AMPH: variants seen among roughly 807,000 people sequenced by gnomAD.
AMPH encodes the protein amphiphysin (Stiff-Mann syndrome with breast cancer 128kD autoantigen).
AMPH carries 49 observed loss-of-function variants against 99.1 expected under a neutral mutation model. The observed-to-expected ratio is 0.49, with a 90% CI of 0.39 to 0.63. AMPH has a LOEUF of 0.63. Among genes scored for constraint, AMPH ranks in the 20% least tolerant of loss-of-function variants. AMPH has a pLI of 0.00. For missense variants in AMPH, 759 were observed against 863.4 expected, an observed-to-expected ratio of 0.88 and a Z score of 1.52; for synonymous variants, 314 against 317.3, an observed-to-expected ratio of 0.99 and a Z score of 0.11.
chr7:38,388,855 G>C (rs539008965), intron 20 of AMPH, among the ~76,000 whole-genome samples: 3 of 152,242 alleles, frequency 2.0e-5, no homozygotes, highest in Non-Finnish European at 2.9e-5. Flanking sequence ...TGTTGACCAG[G>C]CTGGTCTGGA....
chr7:38,439,686 AG>A (rs1281954154), intron 11 of AMPH, among the ~76,000 whole-genome samples: 3 of 152,168 alleles, frequency 2.0e-5, no homozygotes, highest in African/African-American at 7.2e-5. Flanking sequence ...GAAATCTACA[AG>A]GGGTGACTTG....
intron 17 of AMPH, among the ~76,000 whole-genome samples, chr7:38,396,825 T>C (rs1015501870): frequency 6.6e-6 from 1 of 152,270 alleles, no homozygotes; most frequent in Non-Finnish European, 1.5e-5. Context: ...CAATTGCTCA[T>C]AGCTTTATTG....
At chr7:38,525,277 TAGAGAGAGAGAGAGAGAGAG>T (rs66462162) in intron 2 of AMPH, among the ~76,000 whole-genome samples, 1 of 86,662 alleles carries the variant, frequency 1.2e-5, no homozygotes, top group African/African-American at 4.7e-5. Flanking sequence ...TATATATATA[TAGAGAGAGAGAGAGAGAGAG>T]AGAGAGAGAG....
chr7:38,464,919 C>T (rs1427653294), intron 9 of AMPH, among the ~76,000 whole-genome samples: 1 of 152,068 alleles, frequency 6.6e-6, no homozygotes, highest in African/African-American at 2.4e-5. Flanking sequence ...CATTGGGGCT[C>T]CGGGGTATTT....
chr7:38,456,200 T>A (rs1166687867), intron 11 of AMPH, among the ~76,000 whole-genome samples: 1 of 152,188 alleles, frequency 6.6e-6, no homozygotes, highest in African/African-American at 2.4e-5. Context: ...CTGCTGCTGC[T>A]GCAGGTTGCA....
chr7:38,501,985 A>G lies in AMPH; in HGVS notation c.205+1665T>C, dbSNP rs369761101. ...GCTACTTAATATTATTTGATTATTC[A>G]TGAGGATAAGGCTTTTTTGCGTTTA... On this transcript the variant is annotated intron_variant, in intron 3 of 20. Transcript: ENST00000356264. Among the ~76,000 whole-genome samples, 67 of 152,242 alleles carry G rather than the reference A, an allele frequency of 4.4e-4. 1 individual carries two copies. The Middle Eastern group carries it at 0.027, about 62-fold the overall frequency.
At chr7:38,630,086 A>G (rs1413339222) in intron 1 of AMPH, among the ~76,000 whole-genome samples, 6 of 152,150 alleles carry the variant, frequency 3.9e-5, no homozygotes, top group African/African-American at 1.4e-4. Flanking sequence ...TTGGGTCTGA[A>G]GAGGGAAATT....
At chr7:38,464,654 T>C (rs1378400770) in intron 9 of AMPH, among the ~76,000 whole-genome samples, 2 of 152,196 alleles carry the variant, frequency 1.3e-5, no homozygotes, top group East Asian at 3.8e-4. Flanking sequence ...AGTTCAATAG[T>C]ATCTTTTTTT....
chr7:38,434,742 GA>G (rs10713859), intron 12 of AMPH, among the ~76,000 whole-genome samples: 73,539 of 135,812 alleles, frequency 0.54, 19,885 homozygotes, highest in African/African-American at 0.71. Context: ...CCATCTCAAA[GA>G]AAAAAAAAAA....
intron 1 of AMPH, among the ~76,000 whole-genome samples, chr7:38,547,069 C>A (rs1391781916): frequency 6.6e-6 from 1 of 152,160 alleles, no homozygotes; most frequent in Non-Finnish European, 1.5e-5. Context: ...CAGCCAGCCA[C>A]CACCAGCAGC....
At position 38,384,824 on chromosome 7, in the gene AMPH, T is replaced by G. The variant is rs765852492; in HGVS notation, c.2082A>C (p.Leu694Phe). The change falls in exon 21 of 21, where the codon TTA (leucine) becomes TTC (phenylalanine). Residue 694 changes from leucine (L) to phenylalanine (F), a missense_variant. Leu to Phe is a conservative substitution (Grantham distance 22). This residue lies in a region of AMPH where 554 missense variants were observed against 575.6 expected (regional missense o/e 0.96). Transcript: ENST00000356264. Reference sequence around the variant, plus strand: ...TCTTGCAGTACTTGTTGCCCTAATCTAAGCGTCGGGTGAAGTTCTCTGGAA... The same window carrying G: ...TCTTGCAGTACTTGTTGCCCTAATCGAAGCGTCGGGTGAAGTTCTCTGGAA... Reference protein sequence around the residue: ...GLFPENFTRRLD With the variant: ...GLFPENFTRRFD The G allele has an allele frequency of 1.2e-6, 2 of 1,613,952 alleles. No individual in the cohort carries two copies. The highest frequency in any genetic ancestry group is 3.3e-5 in the Admixed American group (2 of 60,016).
intron 19 of AMPH, among the ~76,000 whole-genome samples, chr7:38,390,965 G>C (rs1183297274): frequency 6.6e-4 from 2 of 3,032 alleles, no homozygotes; most frequent in Admixed American, 4.1e-3. Flanking sequence ...CAAAGACAGA[G>C]AGAGAGAGAG....
chr7:38,607,085 C>T (rs1793461300), intron 1 of AMPH, among the ~76,000 whole-genome samples: 1 of 152,030 alleles, frequency 6.6e-6, no homozygotes, highest in Admixed American at 6.5e-5. Flanking sequence ...ATTACAGTGC[C>T]CAACTCTTCA....
intron 1 of AMPH, among the ~76,000 whole-genome samples, chr7:38,599,066 TTTGAC>T (rs1202254541): frequency 6.6e-6 from 1 of 152,250 alleles, no homozygotes; most frequent in Non-Finnish European, 1.5e-5. Context: ...ATTTCCTCTC[TTTGAC>T]TTAAGTTACT....
intron 2 of AMPH, among the ~76,000 whole-genome samples, chr7:38,520,241 T>A (rs763626913): frequency 5.3e-5 from 8 of 152,206 alleles, no homozygotes; most frequent in Non-Finnish European, 1.0e-4. Context: ...AAACAAACCA[T>A]CTACATTCCA....
intron 17 of AMPH, among the ~76,000 whole-genome samples, chr7:38,413,040 T>G (rs566649768): frequency 1.1e-4 from 16 of 152,334 alleles, no homozygotes; most frequent in Admixed American, 6.5e-4. Context: ...TTGCCTCTGC[T>G]GCTTTCTCCT....
intron 2 of AMPH, 86 bp downstream of exon 2, chr7:38,534,845 T>C: frequency 8.5e-7 from 1 of 1,176,306 alleles, no homozygotes; most frequent in Non-Finnish European, 1.2e-6. Context: ...TAGTCTTTTT[T>C]TAATCTTAAT....
At chr7:38,492,551 A>G (rs1215679030) in intron 4 of AMPH, among the ~76,000 whole-genome samples, 3 of 152,224 alleles carry the variant, frequency 2.0e-5, no homozygotes, top group African/African-American at 4.8e-5. Flanking sequence ...ATTTTTACAA[A>G]TCTCAATTCA....
chr7:38,468,022 T>C (rs1202119198), intron 7 of AMPH, among the ~76,000 whole-genome samples: 1 of 152,200 alleles, frequency 6.6e-6, no homozygotes, highest in Non-Finnish European at 1.5e-5. Flanking sequence ...ATATCTATGA[T>C]TAAGGTTTTG....
Sources: gnomAD v4.1 joint callset for allele counts (sites outside exome capture counted in the v4.1 genomes callset) on GRCh38, gnomAD v4.1.1 for gene constraint, gnomAD v4.1.1 regional missense constraint, MANE v1.5 for transcripts, NCBI Gene and HGNC (gene_info 2026-07-23, HGNC 2026-07-21) for gene names.